PSD: variants seen among roughly 807,000 people sequenced by gnomAD.
The protein encoded by PSD is pleckstrin and Sec7 domain containing.
PSD carries 32 observed loss-of-function variants against 91.6 expected under a neutral mutation model. The observed-to-expected ratio is 0.35, with a 90% CI of 0.26 to 0.47. The LOEUF (loss-of-function observed/expected upper bound fraction) is 0.47, where lower values mean the gene tolerates loss of function less well. Ranked by LOEUF, PSD falls within the 20% of genes least tolerant of loss-of-function variation. The pLI, the probability that PSD is intolerant of heterozygous loss-of-function variation, is 1.00. For missense variants in PSD, 1,099 were observed against 1,373.9 expected (o/e 0.80, Z 3.16); for synonymous variants, 532 against 569.3 (o/e 0.93, Z 0.93).
Position 102,405,881 on chromosome 10 carries a change from T to C in PSD, c.2136-345A>G. ...GCCTGCCTCCGCTGGCTCAACCACA[T>C]CCAGCCCCAGGCTTTGCTCACGGTT... On this transcript the variant is annotated intron_variant, in intron 11 of 16. Transcript: ENST00000020673. This position sits in a 1 kb window ranked among gnomAD's most constrained non-coding sequence, Gnocchi z 5.4. 4.3e-6 allele frequency: 1 copy of C among 230,756 alleles called. No homozygotes were observed. The highest frequency in any genetic ancestry group is 8.5e-6 in the Non-Finnish European group (1 of 117,392). 14.3% of individuals were successfully genotyped at this position (230,756 alleles called of 1,614,324 possible).
In PSD at chr10:102,402,828, C is replaced by G; in HGVS notation, c.*372G>C. On this transcript the variant is annotated 3_prime_UTR_variant, in exon 17 of 17. Transcript: ENST00000020673. The stretch of plus-strand genomic sequence containing the variant: ...CCCCAAATCCTGGTCTCTGTCCAAG[C>G]CAGGCCCCAGGACAGAGGGGGACTG... 4.0e-6 allele frequency: 1 copy of G among 253,034 alleles called. No individual in the cohort carries two copies. Among genetic ancestry groups the G allele is most frequent in the Non-Finnish European group, 7.5e-6 (1 of 132,624 alleles). 15.7% of individuals were successfully genotyped at this position (253,034 alleles called of 1,614,324 possible). A position where few individuals can be genotyped will look rare whatever the true frequency, so the allele number is the denominator to read the frequency against.
Position 102,414,173 on chromosome 10 carries a change from C to T in PSD, c.1149G>A (p.Lys383=), listed in dbSNP as rs141253694. 372 of 1,610,316 alleles carry T rather than the reference C, an allele frequency of 2.3e-4. 3 individuals are homozygous for T. The African/African-American group carries it at 3.3e-3, about 14-fold the overall frequency. Residue 383 remains lysine, a synonymous_variant, in exon 5 of 17, where the codon AAG becomes AAA. Transcript: ENST00000020673. The surrounding 1 kb of genome is among the most constrained non-coding windows in gnomAD (Gnocchi z 5.6). ...GARPGSRMPL[K]SPVPFLPGTS... is the part of the protein sequence containing the mutation. ...TCCCAGGTAGAAAGGGCACAGGTGA[C>T]TTGAGAGGCATCCGGCTCCCTGGCC... is the stretch of plus-strand genomic sequence containing the variant.
Position 102,413,758 on chromosome 10 carries a change from G to A in PSD, c.1553+11C>T, listed in dbSNP as rs1378217226. On this transcript the variant is annotated intron_variant, in intron 5 of 16. Coordinates refer to ENST00000020673, the MANE Select transcript of PSD (RefSeq NM_002779.5). ...GGGCCTCAAGTCTGAGGGACAAAAG[G>A]AATTACTTACCTGCCAAGGGGTGCT... 6.3e-7 allele frequency: 1 copy of A among 1,599,638 alleles called. No homozygotes were observed.
In PSD at chr10:102,413,920, A is replaced by T; in HGVS notation, c.1402T>A (p.Ser468Thr). The change falls in exon 5 of 17, where the codon TCT becomes ACT. Residue 468 changes from serine (S) to threonine (T), a missense_variant. Coordinates refer to ENST00000020673, the MANE Select transcript of PSD (RefSeq NM_002779.5). ...CCATCAGCAGCAGAGCTGGTACCAG[A>T]ATCCGGTTCAAGAGGGGCAAGTGGG... ...PAPLAPLEPD[S>T]GTSSAADGPW... is the part of the protein sequence containing the mutation. 6.2e-7 allele frequency: 1 copy of T among 1,613,872 alleles called. No individual in the cohort carries two copies. Among genetic ancestry groups the T allele is most frequent in the Non-Finnish European group, 8.5e-7 (1 of 1,179,890 alleles).
Position 102,405,104 on chromosome 10 carries a change from C to T in PSD, c.2398-49G>A. The stretch of plus-strand genomic sequence containing the variant: ...TGGCCCCAAATGCAGCCTGGCCCAG[C>T]CCCTCCTATTCCCACCCATCACCCC... On this transcript the variant is annotated intron_variant, in intron 13 of 16. Coordinates refer to ENST00000020673, the MANE Select transcript of PSD (RefSeq NM_002779.5). The surrounding 1 kb of genome is among the most constrained non-coding windows in gnomAD (Gnocchi z 5.4). 6.2e-7 allele frequency: 1 copy of T among 1,610,884 alleles called. No homozygotes were observed.
chr10:102,405,064 G>T lies in PSD; in HGVS notation c.2398-9C>A. Reference sequence around the variant, plus strand: ...CCAGGCTTGTACTCCTCCTGCAGGGGTGTCCATCTTGTCCTGGCCCCAAAT... The same window carrying T: ...CCAGGCTTGTACTCCTCCTGCAGGGTTGTCCATCTTGTCCTGGCCCCAAAT... On this transcript the variant is annotated splice_polypyrimidine_tract_variant and intron_variant, in intron 13 of 16. Transcript: ENST00000020673. This position sits in a 1 kb window ranked among gnomAD's most constrained non-coding sequence, Gnocchi z 5.4. The T allele has an allele frequency of 6.2e-7, 1 of 1,613,630 alleles. No homozygotes were observed. The highest frequency in any genetic ancestry group is 8.5e-7 in the Non-Finnish European group (1 of 1,179,764).
Position 102,407,228 on chromosome 10 carries a change from C to T in PSD, c.2130G>A (p.Trp710Ter). The T allele has an allele frequency of 6.2e-7, 1 of 1,603,618 alleles. No individual in the cohort carries two copies. Among genetic ancestry groups the T allele is most frequent in the Non-Finnish European group, 8.5e-7 (1 of 1,175,372 alleles). ...YSSIKNEKLQWAIDEEELRRS... is the reference protein window; with the variant it reads ...YSSIKNEKLQ ...CACGCAGCCCCGGGACTCACATGGCCCACTGCAGCTTCTCATTCTTGATGG... is the reference window on the plus strand; with the variant it reads ...CACGCAGCCCCGGGACTCACATGGCTCACTGCAGCTTCTCATTCTTGATGG... Residue 710 changes from tryptophan (W) to a stop codon, truncating the protein, a stop_gained, in exon 11 of 17, where the codon TGG becomes TGA. Coordinates refer to ENST00000020673, the MANE Select transcript of PSD (RefSeq NM_002779.5). LOFTEE classifies it high-confidence loss of function.
Position 102,407,280 on chromosome 10 carries a change from G to C in PSD, c.2092-14C>G, listed in dbSNP as rs955045455. ...GCTGTACAAGGCCTGGGGGGTGGGG[G>C]GAACAAATTAGGGGGTTGTGGGTCA... is the stretch of plus-strand genomic sequence containing the variant. On this transcript the variant is annotated splice_polypyrimidine_tract_variant and intron_variant, in intron 10 of 16. Coordinates refer to ENST00000020673, the MANE Select transcript of PSD (RefSeq NM_002779.5). The C allele has an allele frequency of 6.4e-7, 1 of 1,564,542 alleles. No individual in the cohort carries two copies.
rs76674794 is a variant in PSD at position 102,409,740 on chromosome 10, C to G, written c.2091+1118G>C. Among the ~76,000 whole-genome samples, 1,563 of 152,194 alleles carry G rather than the reference C, an allele frequency of 0.01. 24 individuals are homozygous for G. Among genetic ancestry groups the G allele is most frequent in the African/African-American group, 0.036 (1,491 of 41,484 alleles). The stretch of plus-strand genomic sequence containing the variant: ...CCAGACGCACCAGTTCACGGTCACC[C>G]CAACTCGCAGACACTACCCATTCAG... On this transcript the variant is annotated intron_variant, in intron 10 of 16. Coordinates refer to ENST00000020673, the MANE Select transcript of PSD (RefSeq NM_002779.5). The surrounding 1 kb of genome is among the most constrained non-coding windows in gnomAD (Gnocchi z 5.7).
chr10:102,410,748 C>T lies in PSD; in HGVS notation c.2091+110G>A. ...AGAGCCCGGGCTTCCGTGGCAGGAGCCGGGGGTCGGCAAGCCCCAGCCCTG... is the reference window on the plus strand; with the variant it reads ...AGAGCCCGGGCTTCCGTGGCAGGAGTCGGGGGTCGGCAAGCCCCAGCCCTG... On this transcript the variant is annotated intron_variant, in intron 10 of 16. Coordinates refer to ENST00000020673, the MANE Select transcript of PSD (RefSeq NM_002779.5). The surrounding 1 kb of genome is among the most constrained non-coding windows in gnomAD (Gnocchi z 6.0). 2.3e-6 allele frequency: 2 copies of T among 875,970 alleles called. No individual in the cohort carries two copies. The highest frequency in any genetic ancestry group is 2.4e-5 in the East Asian group (1 of 40,972). 54.3% of individuals were successfully genotyped at this position (875,970 alleles called of 1,614,324 possible).
Position 102,416,465 on chromosome 10 carries a change from G to C in PSD, c.574C>G (p.Leu192Val), listed in dbSNP as rs771246900. ...QVGADGLYSS[L>V]PNGLGGPPER... ...GGGGGGCCCCCCAGCCCATTGGGGA[G>C]AGAGGAGTAAAGGCCATCTGCTCCA... Residue 192 changes from leucine (L) to valine (V), a missense_variant, in exon 2 of 17, where the codon CTC becomes GTC. Coordinates refer to ENST00000020673, the MANE Select transcript of PSD (RefSeq NM_002779.5). This position sits in a 1 kb window ranked among gnomAD's most constrained non-coding sequence, Gnocchi z 6.0. The C allele has an allele frequency of 6.2e-7, 1 of 1,613,422 alleles. No individual in the cohort carries two copies. Among genetic ancestry groups the C allele is most frequent in the South Asian group, 1.1e-5 (1 of 90,974 alleles).
At chr10:102,406,171 T>C (rs1358835169) in intron 11 of PSD, 1 of 152,542 alleles carries the variant, frequency 6.6e-6, no homozygotes, top group African/African-American at 2.4e-5. Flanking sequence ...CACCACACCT[T>C]TGCCTCCCAA....
chr10:102,417,457 C>T (rs2061494648), intron 1 of PSD, among the ~76,000 whole-genome samples: 1 of 151,966 alleles, frequency 6.6e-6, no homozygotes, highest in Non-Finnish European at 1.5e-5. Flanking sequence ...AGTTGGTACC[C>T]CACCCTCTGG....
At position 102,417,012 on chromosome 10, in the gene PSD, G is replaced by A. The variant is rs747239250; in HGVS notation, c.27C>T (p.Cys9=). The change falls in exon 2 of 17, where the codon TGC becomes TGT. Residue 9 remains cysteine, a synonymous_variant. Coordinates refer to ENST00000020673, the MANE Select transcript of PSD (RefSeq NM_002779.5). The part of the protein sequence containing the change: MAQGAMRF[C]SEGDCAISPP... Reference sequence around the variant, plus strand: ...GGGAGATGGCACAGTCGCCTTCCGAGCAGAAGCGCATGGCACCCTGGGCCA... The same window carrying A: ...GGGAGATGGCACAGTCGCCTTCCGAACAGAAGCGCATGGCACCCTGGGCCA... The A allele has an allele frequency of 1.0e-5, 16 of 1,582,558 alleles. No homozygotes were observed. Among genetic ancestry groups the A allele is most frequent in the African/African-American group, 2.7e-5 (2 of 74,226 alleles).
At chr10:102,411,222 C>G (rs2061421604) in intron 8 of PSD, 106 bp from the exon 9 acceptor site, 7 of 1,087,742 alleles carry the variant, frequency 6.4e-6, no homozygotes, top group Non-Finnish European at 9.2e-6. Context: ...CCGGCAACTT[C>G]CTACCTCCTG....
Position 102,416,648 on chromosome 10 carries a change from C to A in PSD, c.391G>T (p.Gly131Trp). The stretch of plus-strand genomic sequence containing the variant: ...GGGGTGGGCCTGGGAGGAGAAACCC[C>A]ACCCAGATCCCAGCTCCGACTCAAG... Reference protein sequence around the residue: ...GGLSRSWDLGGVSPPRPTPAL... With the variant: ...GGLSRSWDLGWVSPPRPTPAL... Residue 131 changes from glycine to tryptophan, a missense_variant, in exon 2 of 17, where the codon GGG (glycine) becomes TGG (tryptophan). Transcript: ENST00000020673. The surrounding 1 kb of genome is among the most constrained non-coding windows in gnomAD (Gnocchi z 6.0). 1 of 1,608,966 alleles carries A rather than the reference C, an allele frequency of 6.2e-7. No homozygotes were observed. The highest frequency in any genetic ancestry group is 8.5e-7 in the Non-Finnish European group (1 of 1,177,968).
In PSD at chr10:102,412,050, C is replaced by T. The variant is rs183540243; in HGVS notation, c.1829+97G>A. 2.3e-4 allele frequency: 307 copies of T among 1,322,040 alleles called. No homozygotes were observed. In the East Asian group the frequency reaches 5.7e-3, roughly 24 times the overall value. The allele number at this position is 1,322,040 out of a possible 1,614,324, so 81.9% of individuals were successfully genotyped here. On this transcript the variant is annotated intron_variant, in intron 7 of 16. Coordinates refer to ENST00000020673, the MANE Select transcript of PSD (RefSeq NM_002779.5). Reference sequence around the variant, plus strand: ...CATCTTGGGAAGGGTGATGTCAGGACGGCTTGTGGGGGACAGAGGGGCTCA... The same window carrying T: ...CATCTTGGGAAGGGTGATGTCAGGATGGCTTGTGGGGGACAGAGGGGCTCA...
intron 8 of PSD, 109 bp downstream of exon 8, chr10:102,411,598 A>G: frequency 2.4e-6 from 2 of 816,762 alleles, no homozygotes; most frequent in Non-Finnish European, 4.2e-6. Flanking sequence ...ACGCATGTAC[A>G]TCCATTCCCT....
At position 102,405,540 on chromosome 10, in the gene PSD, C is replaced by T. The variant is rs764202865; in HGVS notation, c.2136-4G>A. On this transcript the variant is annotated splice_region_variant and splice_polypyrimidine_tract_variant and intron_variant, in intron 11 of 16. Coordinates refer to ENST00000020673, the MANE Select transcript of PSD (RefSeq NM_002779.5). This position sits in a 1 kb window ranked among gnomAD's most constrained non-coding sequence, Gnocchi z 5.4. Reference sequence around the variant, plus strand: ...GCGTCTCAGCTCCTCCTCGTCTCTGCAGGTGTGATCACCTCAGAGGGGGCT... The same window carrying T: ...GCGTCTCAGCTCCTCCTCGTCTCTGTAGGTGTGATCACCTCAGAGGGGGCT... 77 of 1,609,328 alleles carry T rather than the reference C, an allele frequency of 4.8e-5. 1 individual carries two copies. In the East Asian group the frequency reaches 1.7e-3, roughly 36 times the overall value.
Sources: gnomAD v4.1 joint callset for allele counts (sites outside exome capture counted in the v4.1 genomes callset) on GRCh38, gnomAD v4.1.1 for gene constraint, Gnocchi (gnomAD v3.1) non-coding constraint, MANE v1.5 for transcripts, NCBI Gene and HGNC (gene_info 2026-07-23, HGNC 2026-07-21) for gene names.